The following THSD7A variants were observed in gnomAD, a reference collection of about 807,000 sequenced individuals.
The protein encoded by THSD7A is thrombospondin type-1 domain-containing protein 7A.
A neutral mutation model predicts 231.3 loss-of-function variants in THSD7A; 96 were observed. The ratio of observed to expected loss-of-function variants is 0.41; its 90% CI spans 0.35 to 0.49. The LOEUF (loss-of-function observed/expected upper bound fraction) is 0.49, where lower values mean the gene tolerates loss of function less well. THSD7A is among the 20% of genes least tolerant of loss of function. The probability of loss-of-function intolerance (pLI) is 0.05; values close to 1 mark genes in which losing one functional copy is unlikely to be tolerated. For synonymous variants in THSD7A, 940 were observed against 743.3 expected, an observed-to-expected ratio of 1.26 and a Z score of -4.30; for missense variants, 2,290 against 2,070.2, an observed-to-expected ratio of 1.11 and a Z score of -2.06.
At chr7:11,735,809 G>A (rs1325122826) in intron 1 of THSD7A, among the ~76,000 whole-genome samples, 1 of 151,874 alleles carries the variant, frequency 6.6e-6, no homozygotes, top group Non-Finnish European at 1.5e-5. Flanking sequence ...AAAACATTAT[G>A]AGGAATGCTT....
intron 1 of THSD7A, among the ~76,000 whole-genome samples, chr7:11,763,607 A>G (rs1401870855): frequency 6.6e-6 from 1 of 152,186 alleles, no homozygotes; most frequent in Admixed American, 6.5e-5. Flanking sequence ...AATGAAGTAG[A>G]TGAATTAATA....
intron 15 of THSD7A, among the ~76,000 whole-genome samples, chr7:11,426,132 T>G (rs1784313937): frequency 6.6e-6 from 1 of 151,934 alleles, no homozygotes; most frequent in African/African-American, 2.4e-5. Context: ...AGTGATTATA[T>G]TCACATTTAG....
intron 1 of THSD7A, among the ~76,000 whole-genome samples, chr7:11,698,295 A>G (rs576066296): frequency 6.6e-6 from 1 of 151,532 alleles, no homozygotes; most frequent in East Asian, 2.0e-4. Context: ...TTGGTTGTGG[A>G]GAATTTAAAT....
intron 1 of THSD7A, among the ~76,000 whole-genome samples, chr7:11,803,689 C>G (rs926087980): frequency 6.6e-6 from 1 of 152,074 alleles, no homozygotes; most frequent in Non-Finnish European, 1.5e-5. Context: ...ACTATGGTAA[C>G]AGCGGAATCT....
At chr7:11,409,917 T>G (rs2115379366) in intron 19 of THSD7A, among the ~76,000 whole-genome samples, 1 of 152,188 alleles carries the variant, frequency 6.6e-6, no homozygotes, top group East Asian at 1.9e-4. Flanking sequence ...TAATTTTGTA[T>G]TTTTAGTAGA....
At chr7:11,685,786 A>G (rs1419251977) in intron 1 of THSD7A, among the ~76,000 whole-genome samples, 2 of 152,010 alleles carry the variant, frequency 1.3e-5, no homozygotes, top group Non-Finnish European at 2.9e-5. Flanking sequence ...AAATTAAATT[A>G]GCCCCTGTGC....
At chr7:11,718,187 T>C (rs1393243033) in intron 1 of THSD7A, among the ~76,000 whole-genome samples, 1 of 151,564 alleles carries the variant, frequency 6.6e-6, no homozygotes, top group Non-Finnish European at 1.5e-5. Flanking sequence ...AAATGCAAAA[T>C]TTATGAAAGA....
At chr7:11,630,769 A>G (rs376827552) in intron 2 of THSD7A, among the ~76,000 whole-genome samples, 1 of 152,254 alleles carries the variant, frequency 6.6e-6, no homozygotes, top group Non-Finnish European at 1.5e-5. Context: ...AGTAGGCACT[A>G]CATCCATTAA....
At chr7:11,813,714 AAAT>A (rs61350544) in intron 1 of THSD7A, among the ~76,000 whole-genome samples, 5,392 of 145,028 alleles carry the variant, frequency 0.037, 293 homozygotes, top group African/African-American at 0.12. Flanking sequence ...CTCCATCTCA[AAAT>A]AATAATAATA....
At chr7:11,747,065 T>C (rs919917125) in intron 1 of THSD7A, among the ~76,000 whole-genome samples, 2 of 151,958 alleles carry the variant, frequency 1.3e-5, no homozygotes, top group African/African-American at 4.8e-5. Flanking sequence ...CTTTCTATAA[T>C]AGAAAAGACA....
In THSD7A at chr7:11,648,757, C is replaced by T. The variant is rs542865260; in HGVS notation, c.191-11796G>A. ...TCCCAAATCCTAAGTGTCTGTGCTG[C>T]CACTTTTCTATTAGGGGTAGCCAGA... On this transcript the variant is annotated intron_variant, in intron 1 of 27. Coordinates refer to ENST00000423059, the MANE Select transcript of THSD7A (RefSeq NM_015204.3). Among the ~76,000 whole-genome samples the T allele has an allele frequency of 3.3e-5, 5 of 151,740 alleles. No homozygotes were observed. The South Asian group carries it at 8.3e-4, about 25-fold the overall frequency.
chr7:11,515,754 A>T (rs910688467), intron 6 of THSD7A, among the ~76,000 whole-genome samples: 7 of 152,176 alleles, frequency 4.6e-5, no homozygotes, highest in Non-Finnish European at 1.0e-4. Context: ...TTCATATTTT[A>T]GTAGTCTTTT....
At chr7:11,454,978 C>A (rs551518882) in intron 11 of THSD7A, among the ~76,000 whole-genome samples, 8 of 151,936 alleles carry the variant, frequency 5.3e-5, no homozygotes, top group Non-Finnish European at 1.2e-4. Flanking sequence ...TCCCTCAGAT[C>A]CACATGTTGA....
At chr7:11,558,840 A>T (rs1201356494) in intron 4 of THSD7A, among the ~76,000 whole-genome samples, 1 of 152,196 alleles carries the variant, frequency 6.6e-6, no homozygotes, top group African/African-American at 2.4e-5. Flanking sequence ...ACTTAGCAAA[A>T]GGGACTCCAC....
intron 1 of THSD7A, among the ~76,000 whole-genome samples, chr7:11,740,523 C>T (rs915340408): frequency 6.6e-6 from 1 of 151,892 alleles, no homozygotes; most frequent in East Asian, 1.9e-4. Context: ...TTTGCTGTTT[C>T]CCAAACATGC....
chr7:11,397,320 C>T (rs1050234156), intron 23 of THSD7A, among the ~76,000 whole-genome samples: 1 of 152,160 alleles, frequency 6.6e-6, no homozygotes, highest in African/African-American at 2.4e-5. Flanking sequence ...AAAGGATTCC[C>T]TATTTAATAA....
chr7:11,452,938 A>G (rs1333057216), intron 11 of THSD7A, among the ~76,000 whole-genome samples: 1 of 152,062 alleles, frequency 6.6e-6, no homozygotes, highest in Non-Finnish European at 1.5e-5. Flanking sequence ...GCCAAAAAAG[A>G]GATTAAAAAT....
intron 1 of THSD7A, among the ~76,000 whole-genome samples, chr7:11,809,526 G>T (rs1784476354): frequency 1.3e-5 from 2 of 152,060 alleles, no homozygotes; most frequent in African/African-American, 4.8e-5. Context: ...TTCACTTATT[G>T]CAGGAAGATT....
At chr7:11,686,102 T>C (rs1780043591) in intron 1 of THSD7A, among the ~76,000 whole-genome samples, 1 of 151,934 alleles carries the variant, frequency 6.6e-6, no homozygotes, top group Non-Finnish European at 1.5e-5. Flanking sequence ...AAATACCATA[T>C]GTTCTTATTT....
Sources: allele counts gnomAD v4.1 joint callset (sites outside exome capture counted in the v4.1 genomes callset), GRCh38; gene constraint gnomAD v4.1.1; transcripts MANE v1.5; gene names NCBI Gene and HGNC (gene_info 2026-07-23, HGNC 2026-07-21).